MCC: variants seen among roughly 807,000 people sequenced by gnomAD.
MCC encodes the protein colorectal mutant cancer protein.
MCC carries 90 observed loss-of-function variants against 116.2 expected under a neutral mutation model. That is an observed-to-expected ratio of 0.77 (90% CI 0.65 to 0.92). MCC has a LOEUF of 0.92. Ranked by LOEUF, MCC falls within the 40% of genes least tolerant of loss-of-function variation. MCC has a pLI of 0.00. For missense variants in MCC, 1,516 were observed against 1,312.2 expected (o/e 1.16, Z -2.40); for synonymous variants, 578 against 510.5 (o/e 1.13, Z -1.78).
At chr5:113,056,058 T>C (rs946493176) in intron 14 of MCC, among the ~76,000 whole-genome samples, 2 of 152,242 alleles carry the variant, frequency 1.3e-5, no homozygotes, top group Non-Finnish European at 2.9e-5. Flanking sequence ...CTAGAATCTA[T>C]ATCAAGAGAT....
At chr5:113,176,927 C>G (rs1273498514) in intron 3 of MCC, among the ~76,000 whole-genome samples, 2 of 152,150 alleles carry the variant, frequency 1.3e-5, no homozygotes, top group Non-Finnish European at 2.9e-5. Flanking sequence ...TTCCCTACAT[C>G]TAGCCTTCTC....
chr5:113,278,715 C>T (rs955750988), intron 3 of MCC, among the ~76,000 whole-genome samples: 14 of 152,048 alleles, frequency 9.2e-5, no homozygotes, highest in African/African-American at 2.9e-4. Flanking sequence ...ATGTGAGCGA[C>T]GTGGCTGGAG....
intron 2 of MCC, among the ~76,000 whole-genome samples, chr5:113,369,999 T>C (rs1419151242): frequency 1.3e-5 from 2 of 152,228 alleles, no homozygotes; most frequent in Non-Finnish European, 2.9e-5. Flanking sequence ...TGGTATTTGG[T>C]TGTTAAAACA....
chr5:113,378,614 T>C (rs1328041028), intron 2 of MCC, among the ~76,000 whole-genome samples: 2 of 152,198 alleles, frequency 1.3e-5, no homozygotes, highest in African/African-American at 4.8e-5. Context: ...CCCAAAGCTC[T>C]GAGAAGCACA....
chr5:113,108,861 C>T (rs995496599), intron 6 of MCC, among the ~76,000 whole-genome samples: 1 of 152,124 alleles, frequency 6.6e-6, no homozygotes, highest in Non-Finnish European at 1.5e-5. Context: ...CCACAAACTC[C>T]AGTTTGTGCT....
chr5:113,284,945 C>A (rs1315756146), intron 3 of MCC, among the ~76,000 whole-genome samples: 1 of 152,038 alleles, frequency 6.6e-6, no homozygotes, highest in Non-Finnish European at 1.5e-5. Context: ...AATTCAAAAC[C>A]CACCTATATT....
At chr5:113,440,467 G>A (rs1771002220) in intron 1 of MCC, among the ~76,000 whole-genome samples, 1 of 152,004 alleles carries the variant, frequency 6.6e-6, no homozygotes, top group African/African-American at 2.4e-5. Flanking sequence ...TTCCAACCAA[G>A]TGTTTCCATG....
intron 3 of MCC, among the ~76,000 whole-genome samples, chr5:113,330,210 G>T (rs74511373): frequency 0.043 from 6,480 of 152,214 alleles, 438 homozygotes; most frequent in African/African-American, 0.15. Context: ...CATAAATGCT[G>T]CCGCCCATGT....
At chr5:113,161,339 G>A (rs1438932209) in intron 3 of MCC, among the ~76,000 whole-genome samples, 2 of 152,056 alleles carry the variant, frequency 1.3e-5, no homozygotes, top group African/African-American at 2.4e-5. Context: ...TTCCCCAGGC[G>A]GAAACTCCCA....
At chr5:113,233,246 T>C (rs963975444) in intron 3 of MCC, among the ~76,000 whole-genome samples, 29 of 152,176 alleles carry the variant, frequency 1.9e-4, no homozygotes, top group African/African-American at 7.0e-4. Flanking sequence ...GGCAAATGTA[T>C]GTAACACCTA....
At chr5:113,128,718 C>G (rs1486569509) in intron 5 of MCC, among the ~76,000 whole-genome samples, 3 of 152,162 alleles carry the variant, frequency 2.0e-5, no homozygotes, top group African/African-American at 7.2e-5. Flanking sequence ...GAGATTGATA[C>G]AGACCACACA....
chr5:113,087,581 C>A (rs534998333), intron 8 of MCC, among the ~76,000 whole-genome samples: 1 of 152,262 alleles, frequency 6.6e-6, no homozygotes, highest in African/African-American at 2.4e-5. Context: ...CTGGGGGAAA[C>A]CTCCCGGTGG....
chr5:113,360,066 C>T (rs1768508054), intron 2 of MCC, among the ~76,000 whole-genome samples: 1 of 152,118 alleles, frequency 6.6e-6, no homozygotes, highest in Non-Finnish European at 1.5e-5. Flanking sequence ...TCTGAGCCTG[C>T]TCCCTGCCAT....
At chr5:113,415,172 C>T (rs1464736057) in intron 1 of MCC, among the ~76,000 whole-genome samples, 7 of 152,214 alleles carry the variant, frequency 4.6e-5, no homozygotes, top group East Asian at 1.9e-4. Context: ...GTGGGTAACC[C>T]GACCCTTCTC....
chr5:113,036,771 G>A (rs1199161491), intron 17 of MCC, among the ~76,000 whole-genome samples: 1 of 152,174 alleles, frequency 6.6e-6, no homozygotes. Context: ...CTTTGGGGAT[G>A]CTGGAGGGAT....
intron 2 of MCC, among the ~76,000 whole-genome samples, chr5:113,372,723 G>A (rs923838682): frequency 2.6e-5 from 4 of 152,016 alleles, no homozygotes; most frequent in Admixed American, 6.5e-5. Context: ...ACTGGGTCTC[G>A]CTTTGTCACC....
chr5:113,483,479 T>G (rs181549927), intron 1 of MCC, among the ~76,000 whole-genome samples: 2 of 152,130 alleles, frequency 1.3e-5, no homozygotes, highest in Non-Finnish European at 2.9e-5. Flanking sequence ...ACTGGGAAAA[T>G]AGAAATAATA....
intron 1 of MCC, among the ~76,000 whole-genome samples, chr5:113,407,486 A>T (rs1459058481): frequency 6.6e-6 from 1 of 152,208 alleles, no homozygotes; most frequent in Non-Finnish European, 1.5e-5. Flanking sequence ...TCAGGATAAT[A>T]TCTGAGCAAG....
At chr5:113,238,413 C>T (rs938115139) in intron 3 of MCC, among the ~76,000 whole-genome samples, 3 of 152,046 alleles carry the variant, frequency 2.0e-5, no homozygotes, top group Non-Finnish European at 2.9e-5. Flanking sequence ...TCCTATTTGG[C>T]AATTATACAT....
Sources: allele counts gnomAD v4.1 joint callset (sites outside exome capture counted in the v4.1 genomes callset), GRCh38; gene constraint gnomAD v4.1.1; transcripts MANE v1.5; gene names NCBI Gene and HGNC (gene_info 2026-07-23, HGNC 2026-07-21).